The following LDLRAD4 variants were observed in gnomAD, a reference collection of about 807,000 sequenced individuals.
LDLRAD4 encodes the protein low density lipoprotein receptor class A domain containing 4, also known as low-density lipoprotein receptor class A domain-containing protein 4.
Under a neutral mutation model 17.0 loss-of-function variants are expected in LDLRAD4, and 5 were observed. The ratio of observed to expected loss-of-function variants is 0.29; its 90% CI spans 0.15 to 0.62. The LOEUF is 0.62. LDLRAD4 is among the 20% of genes least tolerant of loss of function. LDLRAD4 has a pLI of 0.84. For synonymous variants in LDLRAD4, 168 were observed against 171.8 expected, an observed-to-expected ratio of 0.98 and a Z score of 0.17; for missense variants, 340 against 424.7, an observed-to-expected ratio of 0.80 and a Z score of 1.75.
At chr18:13,608,179 A>G (rs568575327) in intron 3 of LDLRAD4, among the ~76,000 whole-genome samples, 2 of 152,036 alleles carry the variant, frequency 1.3e-5, no homozygotes, top group South Asian at 2.1e-4. Flanking sequence ...AAAGCTCATC[A>G]TCACTCATCA....
intron 1 of LDLRAD4, among the ~76,000 whole-genome samples, chr18:13,296,195 A>C (rs920175987): frequency 6.6e-5 from 10 of 152,234 alleles, no homozygotes; most frequent in African/African-American, 2.4e-4. Flanking sequence ...GCCGTAGATG[A>C]CTTCTGCTTC....
At chr18:13,225,614 T>C (rs1027585370) in intron 1 of LDLRAD4, among the ~76,000 whole-genome samples, 4 of 152,244 alleles carry the variant, frequency 2.6e-5, no homozygotes, top group African/African-American at 9.6e-5. Context: ...TAGCTGCTCC[T>C]AGCAGCATCT....
intron 1 of LDLRAD4, among the ~76,000 whole-genome samples, chr18:13,327,637 C>T (rs1050981427): frequency 2.0e-5 from 3 of 151,542 alleles, no homozygotes; most frequent in African/African-American, 7.3e-5. Flanking sequence ...GATGGCCTAG[C>T]AGGATGAAAC....
rs567281240 is a variant in LDLRAD4, at chr18:13,621,985, C to G, written c.336+714C>G. On this transcript the variant is annotated intron_variant, in intron 4 of 5. Coordinates refer to ENST00000359446, the Ensembl canonical transcript of LDLRAD4. This position sits in a 1 kb window ranked among gnomAD's most constrained non-coding sequence, Gnocchi z 5.5. ...TACAGGCTGTGGTTTTGATGGCTTC[C>G]AGCCAGAGGGTTAGGAGCGGTGAGT... Among the ~76,000 whole-genome samples, 1 of 152,308 alleles carries G rather than the reference C, an allele frequency of 6.6e-6. No individual in the cohort carries two copies. Among genetic ancestry groups the G allele is most frequent in the Non-Finnish European group, 1.5e-5 (1 of 68,022 alleles).
chr18:13,395,801 C>T (rs1021124945), intron 2 of LDLRAD4, among the ~76,000 whole-genome samples: 7 of 151,690 alleles, frequency 4.6e-5, no homozygotes, highest in African/African-American at 1.7e-4. Flanking sequence ...AGGATTTTAG[C>T]TTAGCTCCCG....
chr18:13,645,250 A>T lies in LDLRAD4; in HGVS notation c.514A>T (p.Ile172Phe). 2 of 1,613,814 alleles carry T rather than the reference A, an allele frequency of 1.2e-6. No homozygotes were observed. The highest frequency in any genetic ancestry group is 1.7e-6 in the Non-Finnish European group (2 of 1,179,912). ...GCACGAGATTGATCTTCCTCCCACC[A>T]TCTCCCTGTCCGACGGTGAAGAGCC... The change falls in exon 6 of 6, where the codon ATC becomes TTC. Residue 172 changes from isoleucine to phenylalanine, a missense_variant. Transcript: ENST00000359446. This position sits in a 1 kb window ranked among gnomAD's most constrained non-coding sequence, Gnocchi z 5.7.
intron 3 of LDLRAD4, among the ~76,000 whole-genome samples, chr18:13,552,080 C>T (rs370920490): frequency 1.4e-4 from 22 of 152,188 alleles, no homozygotes; most frequent in Non-Finnish European, 2.6e-4. Context: ...AGACACCCCC[C>T]ACTAGGCCCC....
intron 3 of LDLRAD4, chr18:13,522,809 G>T (rs115502733): frequency 0.012 from 1,850 of 153,000 alleles, 37 homozygotes; most frequent in African/African-American, 0.042. Flanking sequence ...CTTGGGGGGG[G>T]ATTTTAGTCA....
chr18:13,592,320 A>G (rs932400488), intron 3 of LDLRAD4, among the ~76,000 whole-genome samples: 24 of 152,238 alleles, frequency 1.6e-4, no homozygotes, highest in Admixed American at 4.6e-4. Context: ...CACAATACCT[A>G]TCTTTACTGT....
intron 2 of LDLRAD4, among the ~76,000 whole-genome samples, chr18:13,417,435 C>CTTT (rs58522143): frequency 2.9e-5 from 4 of 139,348 alleles, no homozygotes; most frequent in Admixed American, 1.4e-4. Flanking sequence ...TGCTGTTTTT[C>CTTT]TTTTTTTTTT....
At chr18:13,546,598 T>A (rs951618004) in intron 3 of LDLRAD4, among the ~76,000 whole-genome samples, 27 of 151,998 alleles carry the variant, frequency 1.8e-4, no homozygotes, top group African/African-American at 5.1e-4. Flanking sequence ...GTTTTTTTTT[T>A]AAATACCACA....
At chr18:13,600,990 T>C (rs980376365) in intron 3 of LDLRAD4, among the ~76,000 whole-genome samples, 1 of 152,178 alleles carries the variant, frequency 6.6e-6, no homozygotes, top group Non-Finnish European at 1.5e-5. Context: ...ACCATGTTTC[T>C]CCTTATCTGC....
chr18:13,373,566 T>C (rs1258872597), intron 1 of LDLRAD4, among the ~76,000 whole-genome samples: 2 of 152,254 alleles, frequency 1.3e-5, no homozygotes, highest in Non-Finnish European at 2.9e-5. Flanking sequence ...CAATGATTGA[T>C]GGTTGAGATC....
chr18:13,534,731 A>G (rs981490795), intron 3 of LDLRAD4, among the ~76,000 whole-genome samples: 1 of 152,158 alleles, frequency 6.6e-6, no homozygotes, highest in Non-Finnish European at 1.5e-5. Context: ...TTTGGTGAAG[A>G]GTTCGATGAA....
intron 1 of LDLRAD4, among the ~76,000 whole-genome samples, chr18:13,325,420 C>CA (rs1425291338): frequency 1.3e-5 from 2 of 152,300 alleles, no homozygotes; most frequent in African/African-American, 4.8e-5. Context: ...GAGTTCTGCC[C>CA]AGTCCACTCC....
intron 2 of LDLRAD4, among the ~76,000 whole-genome samples, chr18:13,417,828 ATG>A (rs973356188): frequency 6.6e-6 from 1 of 151,900 alleles, no homozygotes; most frequent in African/African-American, 2.4e-5. Context: ...TTGTAGGTAA[ATG>A]TGTGTGTGTG....
intron 1 of LDLRAD4, among the ~76,000 whole-genome samples, chr18:13,251,383 C>T (rs2043216164): frequency 6.6e-6 from 1 of 152,158 alleles, no homozygotes; most frequent in Non-Finnish European, 1.5e-5. Flanking sequence ...CCAGAGCAGT[C>T]AGGCAAGAGA....
chr18:13,307,140 A>G (rs2046960493), intron 1 of LDLRAD4, among the ~76,000 whole-genome samples: 1 of 152,222 alleles, frequency 6.6e-6, no homozygotes, highest in Non-Finnish European at 1.5e-5. Flanking sequence ...CTGTTTAGAA[A>G]CACTTAGATA....
chr18:13,282,663 G>C (rs554841397), intron 1 of LDLRAD4, among the ~76,000 whole-genome samples: 1 of 152,310 alleles, frequency 6.6e-6, no homozygotes, highest in African/African-American at 2.4e-5. Flanking sequence ...CCTCCTGGCT[G>C]CTTGCACATG....
Sources: allele counts gnomAD v4.1 joint callset (sites outside exome capture counted in the v4.1 genomes callset), GRCh38; gene constraint gnomAD v4.1.1; non-coding constraint Gnocchi (gnomAD v3.1); transcripts MANE v1.5; gene names NCBI Gene and HGNC (gene_info 2026-07-23, HGNC 2026-07-21).